SCARB2: variants seen among roughly 807,000 people sequenced by gnomAD.
The protein encoded by SCARB2 is lysosome membrane protein 2.
SCARB2 carries 29 observed loss-of-function variants against 58.6 expected under a neutral mutation model. That is an observed-to-expected ratio of 0.49 (90% CI 0.37 to 0.67). SCARB2 has a LOEUF of 0.67. SCARB2 is among the 30% of genes least tolerant of loss of function. SCARB2 has a pLI of 0.00. For synonymous variants in SCARB2, 195 were observed against 210.1 expected, an observed-to-expected ratio of 0.93 and a Z score of 0.62; for missense variants, 488 against 578.5, an observed-to-expected ratio of 0.84 and a Z score of 1.60.
intron 2 of SCARB2, among the ~76,000 whole-genome samples, chr4:76,189,226 A>C (rs1732550788): frequency 6.6e-6 from 1 of 152,228 alleles, no homozygotes; most frequent in South Asian, 2.1e-4. Flanking sequence ...TACCTAAGCC[A>C]ATTATTAAAA....
intron 7 of SCARB2, among the ~76,000 whole-genome samples, chr4:76,171,076 G>T (rs1231879893): frequency 6.6e-6 from 1 of 151,784 alleles, no homozygotes; most frequent in Non-Finnish European, 1.5e-5. Flanking sequence ...CATTTTTGGA[G>T]AAAGGAGCTT....
intron 1 of SCARB2, among the ~76,000 whole-genome samples, chr4:76,229,264 C>A (rs962732152): frequency 4.6e-5 from 7 of 151,840 alleles, no homozygotes; most frequent in African/African-American, 1.7e-4. Context: ...TTTTAAATTT[C>A]TTTACGTTGG....
chr4:76,177,812 G>A (rs539827090), intron 4 of SCARB2, among the ~76,000 whole-genome samples: 1 of 152,306 alleles, frequency 6.6e-6, no homozygotes, highest in South Asian at 2.1e-4. Context: ...TATATGAGAT[G>A]TCCAGAATAT....
Position 76,195,762 on chromosome 4 carries a change from C to T in SCARB2, c.220G>A (p.Glu74Lys), listed in dbSNP as rs780021848. Reference sequence around the variant, plus strand: ...CGAGGGGTCTCCCCTCTGAGGATCTCCTCTGGATTGGTGACATTGAAGAAA... The same window carrying T: ...CGAGGGGTCTCCCCTCTGAGGATCTTCTCTGGATTGGTGACATTGAAGAAA... ...FYFFNVTNPE[E>K]ILRGETPRVE... is the part of the protein sequence containing the mutation. Residue 74 changes from glutamate (E) to lysine (K), a missense_variant, in exon 2 of 12, where the codon GAG becomes AAG. Physicochemically the swap from Glu to Lys is moderately conservative, Grantham distance 56. Coordinates refer to ENST00000264896, the MANE Select transcript of SCARB2 (RefSeq NM_005506.4). 1.2e-6 allele frequency: 2 copies of T among 1,614,130 alleles called. No individual in the cohort carries two copies. Among genetic ancestry groups the T allele is most frequent in the South Asian group, 2.2e-5 (2 of 91,086 alleles).
upstream of SCARB2, among the ~76,000 whole-genome samples, chr4:76,215,006 C>T (rs1733174706): frequency 6.6e-6 from 1 of 152,208 alleles, no homozygotes; most frequent in Non-Finnish European, 1.5e-5. Context: ...GTGGGGAATC[C>T]TTTAGCCAAA....
chr4:76,181,349 C>A (rs990775245), intron 2 of SCARB2, among the ~76,000 whole-genome samples: 4 of 152,090 alleles, frequency 2.6e-5, no homozygotes, highest in African/African-American at 9.7e-5. Context: ...TAGGGAGGTG[C>A]AATAGTTGAG....
chr4:76,208,365 A>G (rs1473034930), intron 1 of SCARB2, among the ~76,000 whole-genome samples: 1 of 152,206 alleles, frequency 6.6e-6, no homozygotes, highest in African/African-American at 2.4e-5. Context: ...TTTGCTTAGG[A>G]GTTAGAGAAT....
At chr4:76,180,861 A>T in intron 3 of SCARB2, 93 bp downstream of exon 3, 2 of 1,079,494 alleles carry the variant, frequency 1.9e-6, no homozygotes, top group Non-Finnish European at 2.7e-6. Flanking sequence ...AACATAACTT[A>T]ATGGCTCCTA....
intron 11 of SCARB2, 138 bp from the exon 12 acceptor site, chr4:76,161,889 T>C: frequency 1.3e-6 from 1 of 768,500 alleles, no homozygotes; most frequent in South Asian, 1.5e-5. Flanking sequence ...TCACCTCCCC[T>C]CTTGGGCTGC....
At chr4:76,204,930 C>A (rs952643752) in intron 1 of SCARB2, among the ~76,000 whole-genome samples, 3 of 152,096 alleles carry the variant, frequency 2.0e-5, no homozygotes, top group Non-Finnish European at 4.4e-5. Flanking sequence ...GAATTGTGGG[C>A]GCTGGGAGGA....
At chr4:76,204,096 T>C (rs1732882830) in intron 1 of SCARB2, among the ~76,000 whole-genome samples, 1 of 152,150 alleles carries the variant, frequency 6.6e-6, no homozygotes. Flanking sequence ...GATGGTATAT[T>C]GGCCTAATTG....
upstream of SCARB2, among the ~76,000 whole-genome samples, chr4:76,218,346 C>T (rs753871409): frequency 7.2e-5 from 11 of 152,236 alleles, no homozygotes; most frequent in Non-Finnish European, 1.3e-4. Flanking sequence ...TCCTCCCCTA[C>T]CCATCATTCC....
chr4:76,176,586 G>T, intron 4 of SCARB2, 58 bp from the exon 5 acceptor site: 1 of 1,233,684 alleles, frequency 8.1e-7, no homozygotes, highest in Non-Finnish European at 1.2e-6. Flanking sequence ...TGACAACTTG[G>T]CTAGACTATG....
chr4:76,169,797 C>G, intron 8 of SCARB2, 70 bp downstream of exon 8: 1 of 1,263,312 alleles, frequency 7.9e-7, no homozygotes, highest in South Asian at 1.2e-5. Flanking sequence ...AGGCTCAGGA[C>G]TAAACTGGTG....
At chr4:76,170,811 C>T (rs1377487153) in intron 7 of SCARB2, among the ~76,000 whole-genome samples, 2 of 152,076 alleles carry the variant, frequency 1.3e-5, no homozygotes. Flanking sequence ...TGAGCCACCA[C>T]ACCTGGCCTA....
intron 2 of SCARB2, among the ~76,000 whole-genome samples, chr4:76,189,173 C>T (rs1432398581): frequency 6.6e-6 from 1 of 152,194 alleles, no homozygotes; most frequent in African/African-American, 2.4e-5. Context: ...GACTTGGTCA[C>T]TGCACCCCAT....
At chr4:76,163,644 G>A (rs1731944962) in intron 10 of SCARB2, 2 of 521,750 alleles carry the variant, frequency 3.8e-6, no homozygotes, top group South Asian at 4.3e-5. Context: ...TATTGAGACA[G>A]TATCACCTTT....
At chr4:76,197,418 G>A (rs1451159761) in intron 1 of SCARB2, among the ~76,000 whole-genome samples, 1 of 152,170 alleles carries the variant, frequency 6.6e-6, no homozygotes, top group Non-Finnish European at 1.5e-5. Context: ...GGTAGCTGCT[G>A]ATCCTTCAGC....
At chr4:76,166,215 A>G (rs1732005220) in intron 10 of SCARB2, 35 bp downstream of exon 10, 1 of 1,610,344 alleles carries the variant, frequency 6.2e-7, no homozygotes, top group Non-Finnish European at 8.5e-7. Context: ...TCTGAGTCTG[A>G]AAACACCCGT....
Sources: allele counts gnomAD v4.1 joint callset (sites outside exome capture counted in the v4.1 genomes callset), GRCh38; gene constraint gnomAD v4.1.1; transcripts MANE v1.5; gene names NCBI Gene and HGNC (gene_info 2026-07-23, HGNC 2026-07-21).